B3GALNT2: variants seen among roughly 807,000 people sequenced by gnomAD.
B3GALNT2 encodes the protein beta-1,3-N-acetylgalactosaminyltransferase 2.
In B3GALNT2, 53 loss-of-function variants were observed where a neutral mutation model predicts 61.1. That is an observed-to-expected ratio of 0.87 (90% confidence interval 0.70 to 1.09). B3GALNT2 has a LOEUF of 1.09. Ranked by LOEUF, B3GALNT2 falls within the 50% of genes least tolerant of loss-of-function variation. The pLI, the probability that B3GALNT2 is intolerant of heterozygous loss-of-function variation, is 0.00. For synonymous variants in B3GALNT2, 223 were observed against 237.4 expected (o/e 0.94, Z 0.56); for missense variants, 544 against 623.0 (o/e 0.87, Z 1.35).
chr1:235,439,976 A>G, the B3GALNT2 span, among the ~76,000 whole-genome samples: 1 of 145,122 alleles, frequency 6.9e-6, no homozygotes, highest in Non-Finnish European at 1.5e-5. Context: ...TAATTTTTGT[A>G]TATTTATTTT....
the B3GALNT2 span, among the ~76,000 whole-genome samples, chr1:235,439,998 C>T: frequency 4.0e-4 from 60 of 150,182 alleles, no homozygotes; most frequent in South Asian, 1.1e-3. Flanking sequence ...TGAGACGGAG[C>T]CTCGCTCTGT....
At chr1:235,489,351 T>C (rs969885404) in intron 2 of B3GALNT2, 83 bp from the exon 3 acceptor site, 4 of 1,568,548 alleles carry the variant, frequency 2.6e-6, no homozygotes, top group Admixed American at 3.6e-5. Context: ...TCAGAGCTTT[T>C]ACTTTGAGAC....
chr1:235,465,332 T>C (rs1683635529), intron 7 of B3GALNT2: 1 of 270,926 alleles, frequency 3.7e-6, no homozygotes, highest in Non-Finnish European at 6.6e-6. Context: ...TCCATTTATG[T>C]GAAATGTTCA....
At position 235,504,150 on chromosome 1, in the gene B3GALNT2, C is replaced by G. The variant is rs1355670872; in HGVS notation, c.103G>C (p.Gly35Arg). 1.0e-5 allele frequency: 13 copies of G among 1,283,078 alleles called. No individual in the cohort carries two copies. The highest frequency in any genetic ancestry group is 1.3e-5 in the Non-Finnish European group (13 of 1,020,570). 79.5% of individuals were successfully genotyped at this position (1,283,078 alleles called of 1,614,324 possible). A position where few individuals can be genotyped will look rare whatever the true frequency, so the allele number is the denominator to read the frequency against. The part of the protein sequence containing the change: ...SPPPACASGA[G>R]PADQLALFPQ... Reference sequence around the variant, plus strand: ...GGCCCCAGGACCTCACCTGCAGGGCCGGCCCCGGAGGCGCAGGCGGGCGGC... The same window carrying G: ...GGCCCCAGGACCTCACCTGCAGGGCGGGCCCCGGAGGCGCAGGCGGGCGGC... Residue 35 changes from glycine to arginine, a missense_variant, in exon 1 of 12, where the codon GGC becomes CGC. Coordinates refer to ENST00000366600, the MANE Select transcript of B3GALNT2 (RefSeq NM_152490.5).
chr1:235,484,253 T>C (rs1018996254), intron 4 of B3GALNT2, 69 bp downstream of exon 4: 2 of 1,512,100 alleles, frequency 1.3e-6, no homozygotes, highest in Non-Finnish European at 1.8e-6. Flanking sequence ...ACTTACTGTA[T>C]GTCACAAGGA....
intron 2 of B3GALNT2, among the ~76,000 whole-genome samples, chr1:235,490,339 T>C (rs1182640926): frequency 6.6e-6 from 1 of 152,192 alleles, no homozygotes; most frequent in East Asian, 1.9e-4. Context: ...CAAGTGATTC[T>C]CCTGCCTCAG....
intron 2 of B3GALNT2, among the ~76,000 whole-genome samples, chr1:235,490,955 A>G: frequency 6.6e-6 from 1 of 152,158 alleles, no homozygotes; most frequent in East Asian, 1.9e-4. Flanking sequence ...ACTGGCAAAT[A>G]ATACAAATAA....
chr1:235,467,163 A>G (rs1683736325), intron 6 of B3GALNT2, among the ~76,000 whole-genome samples: 4 of 152,094 alleles, frequency 2.6e-5, no homozygotes, highest in Admixed American at 2.6e-4. Context: ...CCTAGCTAAT[A>G]CGGTGAAACC....
At chr1:235,495,976 G>C (rs1685299358) in intron 1 of B3GALNT2, among the ~76,000 whole-genome samples, 1 of 152,104 alleles carries the variant, frequency 6.6e-6, no homozygotes, top group Non-Finnish European at 1.5e-5. Context: ...AGAAATTTTT[G>C]TGTAGATACC....
chr1:235,455,829 CAA>C (rs1479724413), intron 8 of B3GALNT2, 145 bp from the exon 9 acceptor site: 1 of 1,053,316 alleles, frequency 9.5e-7, no homozygotes, highest in African/African-American at 1.6e-5. Context: ...TTTGCTCTAA[CAA>C]AATTTTGCTG....
intron 5 of B3GALNT2, among the ~76,000 whole-genome samples, chr1:235,473,971 C>G (rs1684122649): frequency 1.3e-5 from 2 of 152,180 alleles, no homozygotes; most frequent in South Asian, 4.1e-4. Context: ...ATACAACAAA[C>G]AAATTCAATG....
At chr1:235,486,614 G>C (rs1433791284) in intron 3 of B3GALNT2, among the ~76,000 whole-genome samples, 1 of 151,958 alleles carries the variant, frequency 6.6e-6, no homozygotes, top group Non-Finnish European at 1.5e-5. Context: ...GATAAGATTA[G>C]GTTCAATATT....
rs1161358105 is a variant in B3GALNT2, at chr1:235,449,153, A to ATGATT, written c.*1048_*1052dup. 2.0e-5 allele frequency: 5 copies of ATGATT among 250,154 alleles called. No homozygotes were observed. The highest frequency in any genetic ancestry group is 1.6e-4 in the Admixed American group (3 of 19,348). 15.5% of individuals were successfully genotyped at this position (250,154 alleles called of 1,614,324 possible). A position where few individuals can be genotyped will look rare whatever the true frequency, so the allele number is the denominator to read the frequency against. On this transcript the variant is annotated 3_prime_UTR_variant, in exon 12 of 12. Coordinates refer to ENST00000366600, the MANE Select transcript of B3GALNT2 (RefSeq NM_152490.5). ...CTACTATTTTAAAGGGTTACTAGAA[A>ATGATT]TGATTTGGTTGGTCATTTTGGGAAA... is the stretch of plus-strand genomic sequence containing the variant.
At chr1:235,446,695 G>GTTT (rs11405266), downstream of B3GALNT2, among the ~76,000 whole-genome samples, 2 of 138,954 alleles carry the variant, frequency 1.4e-5, no homozygotes, top group Admixed American at 7.2e-5. Flanking sequence ...GAGTAGGCAG[G>GTTT]TTTTTTTTTT....
intron 7 of B3GALNT2, among the ~76,000 whole-genome samples, chr1:235,462,140 G>C (rs956238932): frequency 6.6e-6 from 1 of 152,198 alleles, no homozygotes; most frequent in East Asian, 1.9e-4. Flanking sequence ...TGTAAGTCAA[G>C]GAGCATCTGT....
chr1:235,491,937 G>T (rs1372569270), intron 2 of B3GALNT2, among the ~76,000 whole-genome samples: 1 of 152,054 alleles, frequency 6.6e-6, no homozygotes, highest in Non-Finnish European at 1.5e-5. Flanking sequence ...GAAGTGTTAG[G>T]AGTTTCTCAA....
Position 235,448,385 on chromosome 1 carries a change from C to CACGTCTTCTCAAAGTTCCT in B3GALNT2, c.*1802_*1820dup. The CACGTCTTCTCAAAGTTCCT allele has an allele frequency of 6.2e-7, 1 of 1,614,080 alleles. No individual in the cohort carries two copies. The highest frequency in any genetic ancestry group is 8.5e-7 in the Non-Finnish European group (1 of 1,179,960). On this transcript the variant is annotated 3_prime_UTR_variant, in exon 12 of 12. Coordinates refer to ENST00000366600, the MANE Select transcript of B3GALNT2 (RefSeq NM_152490.5). ...ATTCAAAAGGTGAAGGGATTGCTGTCACGTCTTCTCAAAGTTCCTGTGTCA... is the reference window on the plus strand; with the variant it reads ...ATTCAAAAGGTGAAGGGATTGCTGTCACGTCTTCTCAAAGTTCCTACGTCTTCTCAAAGTTCCTGTGTCA...
At chr1:235,462,146 T>C (rs1048934511) in intron 7 of B3GALNT2, among the ~76,000 whole-genome samples, 7 of 152,222 alleles carry the variant, frequency 4.6e-5, no homozygotes, top group African/African-American at 1.7e-4. Flanking sequence ...TCAAGGAGCA[T>C]CTGTATAATT....
In B3GALNT2 at chr1:235,470,887, G is replaced by T; in HGVS notation, c.725C>A (p.Thr242Lys). 1 of 1,613,994 alleles carries T rather than the reference G, an allele frequency of 6.2e-7. No individual in the cohort carries two copies. The highest frequency in any genetic ancestry group is 8.5e-7 in the Non-Finnish European group (1 of 1,179,994). Residue 242 changes from threonine to lysine, a missense_variant, in exon 6 of 12, where the codon ACA becomes AAA. Thr to Lys is a moderately conservative substitution (Grantham distance 78). Transcript: ENST00000366600. ...GAGAACTCCCCCTCCATCATTCACT[G>T]TCACTTTGTGGAGATTTCTTGACAC... ...GLVSRNLHKVTVNDGGGVLRV... is the reference protein window; with the variant it reads ...GLVSRNLHKVKVNDGGGVLRV...
Sources: gnomAD v4.1 joint callset for allele counts (sites outside exome capture counted in the v4.1 genomes callset) on GRCh38, gnomAD v4.1.1 for gene constraint, MANE v1.5 for transcripts, NCBI Gene and HGNC (gene_info 2026-07-23, HGNC 2026-07-21) for gene names.